Variants in ABCC6 observed in about 807,000 individuals in gnomAD.
ABCC6 encodes the protein ATP binding cassette subfamily C member 6.
A neutral mutation model predicts 169.5 loss-of-function variants in ABCC6; 126 were observed. The observed-to-expected ratio is 0.74, with a 90% confidence interval of 0.64 to 0.86. ABCC6 has a LOEUF of 0.86. Ranked by LOEUF, ABCC6 falls within the 40% of genes least tolerant of loss-of-function variation. The probability of loss-of-function intolerance (pLI) is 0.00; values close to 1 mark genes in which losing one functional copy is unlikely to be tolerated. For synonymous variants in ABCC6, 752 were observed against 814.7 expected (o/e 0.92, Z 1.31); for missense variants, 1,733 against 1,927.2 (o/e 0.90, Z 1.89).
At chr16:16,171,566 GT>G (rs1193986995) in intron 21 of ABCC6, among the ~76,000 whole-genome samples, 3 of 152,212 alleles carry the variant, frequency 2.0e-5, no homozygotes, top group African/African-American at 7.2e-5. Context: ...AAATGAGCGG[GT>G]GGGTAGGTAG....
chr16:16,152,713 A>AGGGCG (rs1400678785), intron 29 of ABCC6, among the ~76,000 whole-genome samples: 1 of 3,550 alleles, frequency 2.8e-4, no homozygotes, highest in Admixed American at 3.5e-3. Context: ...AGTAAGTGGC[A>AGGGCG]GGGCGGGGCG....
rs2152282640 is a variant in ABCC6 at position 16,202,183 on chromosome 16, C to G, written c.999-5G>C. ...CCAATAAACTCCAGGAAAAGGCTTGCAGGGGAAGGAGGGAGAAGGTACAGC... is the reference window on the plus strand; with the variant it reads ...CCAATAAACTCCAGGAAAAGGCTTGGAGGGGAAGGAGGGAGAAGGTACAGC... On this transcript the variant is annotated splice_region_variant and splice_polypyrimidine_tract_variant and intron_variant, in intron 8 of 30. Transcript: ENST00000205557. 1 of 1,609,476 alleles carries G rather than the reference C, an allele frequency of 6.2e-7. No individual in the cohort carries two copies. The highest frequency in any genetic ancestry group is 1.7e-4 in the Middle Eastern group (1 of 6,046).
chr16:16,169,711 A>T lies in ABCC6; in HGVS notation c.2930T>A (p.Val977Glu), dbSNP rs778151578. The T allele has an allele frequency of 6.8e-6, 11 of 1,611,262 alleles. No individual in the cohort carries two copies. Among genetic ancestry groups the T allele is most frequent in the Middle Eastern group, 1.8e-4 (1 of 5,504 alleles). ...GGCTGCCTGCGTCTGCTGCCCACCT[A>T]CTGCAGGGTCGTCCGCCCACAGGCT... is the stretch of plus-strand genomic sequence containing the variant. Reference protein sequence around the residue: ...WLSLWADDPAVGGQQTQAALR... With the variant: ...WLSLWADDPAEGGQQTQAALR... Residue 977 changes from valine to glutamate, a missense_variant, in exon 22 of 31, where the codon GTA (valine) becomes GAA (glutamate). Physicochemically the swap from Val to Glu is moderately radical, Grantham distance 121. Coordinates refer to ENST00000205557, the MANE Select transcript of ABCC6 (RefSeq NM_001171.6).
chr16:16,222,251 G>A (rs879978741), intron 1 of ABCC6, among the ~76,000 whole-genome samples: 12 of 152,170 alleles, frequency 7.9e-5, no homozygotes, highest in East Asian at 5.8e-4. Flanking sequence ...TGAGGCACCA[G>A]TCGGGGAACT....
At chr16:16,170,945 AGAAAGAAAG>A (rs2047045958) in intron 21 of ABCC6, among the ~76,000 whole-genome samples, 2 of 105,252 alleles carry the variant, frequency 1.9e-5, no homozygotes, top group African/African-American at 3.4e-5. Context: ...AAAAAAAGAA[AGAAAGAAAG>A]AAAGAAAGAA....
chr16:16,154,855 C>T lies in ABCC6; in HGVS notation c.4041+18G>A, dbSNP rs2152212168. 3.1e-6 allele frequency: 5 copies of T among 1,611,570 alleles called. No individual in the cohort carries two copies. In the South Asian group the frequency reaches 5.5e-5, roughly 18 times the overall value. On this transcript the variant is annotated intron_variant, in intron 28 of 30. Coordinates refer to ENST00000205557, the MANE Select transcript of ABCC6 (RefSeq NM_001171.6). ...CACCATGCCTCCCATCTTTGCCCAC[C>T]CCCTCCACCAGCCTCACCTGGGGGA...
intron 21 of ABCC6, among the ~76,000 whole-genome samples, chr16:16,171,963 G>GGAGGGTGGGATGGATAAATGA (rs2047097129): frequency 1.6e-5 from 2 of 127,862 alleles, no homozygotes; most frequent in African/African-American, 3.0e-5. Flanking sequence ...TGAGTGGTTG[G>GGAGGGTGGGATGGATAAATGA]GTGGGTGGGA....
In ABCC6 at chr16:16,155,293, C is replaced by CATCT. The variant is rs923928388; in HGVS notation, c.3883-266_3883-263dup. The CATCT allele has an allele frequency of 8.7e-6, 5 of 576,934 alleles. No homozygotes were observed. In the African/African-American group the frequency reaches 9.3e-5, roughly 11 times the overall value. 35.7% of individuals were successfully genotyped at this position (576,934 alleles called of 1,614,324 possible). On this transcript the variant is annotated intron_variant, in intron 27 of 30. Coordinates refer to ENST00000205557, the MANE Select transcript of ABCC6 (RefSeq NM_001171.6). ...CTCCCCACCCTTCCTTTAGTTCCTC[C>CATCT]ATCTTTCCTCATCCTTCTATTTACA... is the stretch of plus-strand genomic sequence containing the variant.
In ABCC6 at chr16:16,203,573, C is replaced by T. The variant is rs1354650349; in HGVS notation, c.835G>A (p.Gly279Ser). Residue 279 changes from glycine to serine, a missense_variant, in exon 8 of 31, where the codon GGC (glycine) becomes AGC (serine). Physicochemically the swap from Gly to Ser is moderately conservative, Grantham distance 56 (BLOSUM62 0). Around this residue, in one of 5 missense-constraint regions of ABCC6, gnomAD observed 1,601 missense variants for 1,635.5 expected, o/e 0.98. Transcript: ENST00000205557. The stretch of plus-strand genomic sequence containing the variant: ...GGCTCGGTCTCTGGAGCCTTCATGC[C>T]ACTGCCGCCTTTCCTTTTAAATGCT... ...AIAFKRKGGS[G>S]MKAPETEPFL... 1 of 1,614,054 alleles carries T rather than the reference C, an allele frequency of 6.2e-7. No individual in the cohort carries two copies. The highest frequency in any genetic ancestry group is 2.2e-5 in the East Asian group (1 of 44,892).
In ABCC6 at chr16:16,161,322, G is replaced by C. The variant is rs1458205415; in HGVS notation, c.3633+116C>G. On this transcript the variant is annotated intron_variant, in intron 25 of 30. Coordinates refer to ENST00000205557, the MANE Select transcript of ABCC6 (RefSeq NM_001171.6). ...GCTGCGTGTCCCTCCTTGGTGGAGG[G>C]ACTCCACACACCATGTTGGTTTGGA... 2.0e-6 allele frequency: 3 copies of C among 1,482,174 alleles called. No individual in the cohort carries two copies. In the East Asian group the frequency reaches 7.0e-5, roughly 35 times the overall value. The allele number at this position is 1,482,174 out of a possible 1,614,324, so 91.8% of individuals were successfully genotyped here. A position where few individuals can be genotyped will look rare whatever the true frequency, so the allele number is the denominator to read the frequency against.
At chr16:16,204,469 G>A (rs1203280982) in intron 7 of ABCC6, among the ~76,000 whole-genome samples, 1 of 152,218 alleles carries the variant, frequency 6.6e-6, no homozygotes, top group Non-Finnish European at 1.5e-5. Context: ...GGAGAATCAC[G>A]GCTGATGGGC....
At chr16:16,169,483 C>T (rs1026719272) in intron 22 of ABCC6, among the ~76,000 whole-genome samples, 163 bp downstream of exon 22, 2 of 152,120 alleles carry the variant, frequency 1.3e-5, no homozygotes, top group Non-Finnish European at 2.9e-5. Context: ...TTCCCGTTCC[C>T]TCCAGCCTCA....
At chr16:16,150,906 T>C in intron 29 of ABCC6, 134 bp from the exon 30 acceptor site, 2 of 1,503,756 alleles carry the variant, frequency 1.3e-6, no homozygotes, top group Middle Eastern at 1.8e-4. Context: ...ACACATGGGG[T>C]CTGGGGTCTG....
intron 2 of ABCC6, chr16:16,221,338 G>A: frequency 2.2e-6 from 3 of 1,389,592 alleles, no homozygotes; most frequent in Non-Finnish European, 1.9e-6. Context: ...AAATTACCTT[G>A]TGTATCCAAG....
intron 6 of ABCC6, among the ~76,000 whole-genome samples, chr16:16,209,902 T>G (rs924518929): frequency 8.5e-5 from 13 of 152,078 alleles, no homozygotes; most frequent in Non-Finnish European, 1.5e-4. Context: ...GGCTAATTTT[T>G]TTGTTTATAG....
intron 9 of ABCC6, among the ~76,000 whole-genome samples, chr16:16,200,852 C>A (rs1355432705): frequency 6.6e-6 from 1 of 150,950 alleles, no homozygotes; most frequent in Non-Finnish European, 1.5e-5. Context: ...TCCAGAGTCC[C>A]AGGAACGGAC....
chr16:16,186,885 G>A (rs2047668532), intron 14 of ABCC6, among the ~76,000 whole-genome samples: 1 of 152,084 alleles, frequency 6.6e-6, no homozygotes, highest in African/African-American at 2.4e-5. Context: ...GTTCCCTGTT[G>A]TACACCCAGG....
intron 29 of ABCC6, among the ~76,000 whole-genome samples, chr16:16,151,467 C>G (rs138135774): frequency 6.6e-6 from 1 of 152,178 alleles, no homozygotes; most frequent in African/African-American, 2.4e-5. Flanking sequence ...TCAGTCATGC[C>G]GTTGCAAACA....
rs1339218493 is a variant in ABCC6, at chr16:16,150,052, C to T, written c.*81G>A. The stretch of plus-strand genomic sequence containing the variant: ...TAGACTCAATATCGTGTGGAGCTAT[C>T]GATGACCACGGGTCACTTCCATCTC... On this transcript the variant is annotated 3_prime_UTR_variant, in exon 31 of 31. Coordinates refer to ENST00000205557, the MANE Select transcript of ABCC6 (RefSeq NM_001171.6). 31 of 1,575,038 alleles carry T rather than the reference C, an allele frequency of 2.0e-5. No homozygotes were observed. The highest frequency in any genetic ancestry group is 4.6e-5 in the South Asian group (4 of 87,482).
Sources: gnomAD v4.1 joint callset for allele counts (sites outside exome capture counted in the v4.1 genomes callset) on GRCh38, gnomAD v4.1.1 for gene constraint, gnomAD v4.1.1 regional missense constraint, MANE v1.5 for transcripts, NCBI Gene and HGNC (gene_info 2026-07-23, HGNC 2026-07-21) for gene names.